The following CCDC88C variants were observed in gnomAD, a reference collection of about 807,000 sequenced individuals.
CCDC88C encodes the protein protein Daple.
A neutral mutation model predicts 198.8 loss-of-function variants in CCDC88C; 131 were observed. The observed-to-expected ratio is 0.66, with a 90% CI of 0.57 to 0.76. The LOEUF is 0.76. Among genes scored for constraint, CCDC88C ranks in the 30% least tolerant of loss-of-function variants. The pLI is 0.00. For synonymous variants in CCDC88C, 1,166 were observed against 1,114.7 expected (o/e 1.05, Z -0.92); for missense variants, 2,553 against 2,631.6 (o/e 0.97, Z 0.65).
At chr14:91,341,381 T>TG (rs1276858284) in intron 6 of CCDC88C, among the ~76,000 whole-genome samples, 5 of 152,162 alleles carry the variant, frequency 3.3e-5, no homozygotes, top group African/African-American at 1.2e-4. Context: ...CCCCTGAGTC[T>TG]GACTCAGTGG....
rs1361944843 is a variant in CCDC88C at position 91,322,909 on chromosome 14, T to TC, written c.1343-1606_1343-1605insG. 5.4e-4 allele frequency among the ~76,000 whole-genome samples: 80 copies of TC among 147,928 alleles called. 1 individual carries two copies. Among genetic ancestry groups the TC allele is most frequent in the African/African-American group, 2.0e-3 (80 of 40,374 alleles). ...ACTAAAACGCCAGTGTTTCTCTTTT[T>TC]TTTTTTTTTTTTTTGAGACAGAATC... On this transcript the variant is annotated intron_variant, in intron 12 of 29. Transcript: ENST00000389857.
intron 2 of CCDC88C, among the ~76,000 whole-genome samples, chr14:91,412,778 T>C (rs1890902088): frequency 6.6e-6 from 1 of 152,182 alleles, no homozygotes; most frequent in Admixed American, 6.5e-5. Flanking sequence ...ATGTGTCATA[T>C]ACTGCAGCCA....
Position 91,336,584 on chromosome 14 carries a change from G to A in CCDC88C, c.1050+1421C>T, listed in dbSNP as rs550260898. 3.3e-5 allele frequency among the ~76,000 whole-genome samples: 5 copies of A among 152,178 alleles called. 1 individual carries two copies. The highest frequency in any genetic ancestry group is 1.2e-4 in the African/African-American group (5 of 41,506). On this transcript the variant is annotated intron_variant, in intron 10 of 29. Coordinates refer to ENST00000389857, the MANE Select transcript of CCDC88C (RefSeq NM_001080414.4). ...TGGAACCCATCTGTGCCAGAGATTC[G>A]TGCCTCTCATAACCCAGAGAGCCAG... is the stretch of plus-strand genomic sequence containing the variant.
intron 3 of CCDC88C, among the ~76,000 whole-genome samples, chr14:91,402,807 GTTTTAT>G (rs1301988721): frequency 6.6e-6 from 1 of 152,168 alleles, no homozygotes; most frequent in Non-Finnish European, 1.5e-5. Context: ...CACTTGTACT[GTTTTAT>G]TTTTAATTCT....
At chr14:91,337,935 G>T (rs552924387) in intron 10 of CCDC88C, 70 bp downstream of exon 10, 12 of 1,575,928 alleles carry the variant, frequency 7.6e-6, no homozygotes, top group Middle Eastern at 1.9e-4. Context: ...CCAAGGACAG[G>T]TCAGTCTGAA....
At chr14:91,379,590 C>G (rs1034783499) in intron 3 of CCDC88C, 6 of 563,546 alleles carry the variant, frequency 1.1e-5, no homozygotes, top group Non-Finnish European at 1.9e-5. Context: ...GGGGATCACA[C>G]GAGCAGAAGT....
rs1889734928 is a variant in CCDC88C at position 91,271,543 on chromosome 14, A to AAATT, written c.*1078_*1081dup. ...AAAAGCACCTTTACAACAGGAAACT[A>AAATT]AATTGTCAGGAATCTGACCAAAGAC... is the stretch of plus-strand genomic sequence containing the variant. On this transcript the variant is annotated 3_prime_UTR_variant, in exon 30 of 30. Transcript: ENST00000389857. 6.6e-6 allele frequency: 1 copy of AAATT among 152,220 alleles called. No homozygotes were observed. Among genetic ancestry groups the AAATT allele is most frequent in the African/African-American group, 2.4e-5 (1 of 41,450 alleles). The allele number at this position is 152,220 out of a possible 1,614,324, so 9.4% of individuals were successfully genotyped here.
chr14:91,312,720 T>C (rs916315394), intron 15 of CCDC88C, among the ~76,000 whole-genome samples: 1 of 152,106 alleles, frequency 6.6e-6, no homozygotes, highest in African/African-American at 2.4e-5. Context: ...AACAAACAAA[T>C]ATCTTACGGC....
At chr14:91,386,001 G>T (rs1259945027) in intron 3 of CCDC88C, among the ~76,000 whole-genome samples, 1 of 152,064 alleles carries the variant, frequency 6.6e-6, no homozygotes, top group Non-Finnish European at 1.5e-5. Flanking sequence ...ACACTCACTA[G>T]CCATGTGTGA....
chr14:91,400,432 C>T (rs1290369723), intron 3 of CCDC88C, among the ~76,000 whole-genome samples: 1 of 152,248 alleles, frequency 6.6e-6, no homozygotes, highest in East Asian at 1.9e-4. Context: ...CACATGGAAG[C>T]TGACTGTGAC....
intron 10 of CCDC88C, among the ~76,000 whole-genome samples, chr14:91,331,108 G>T: frequency 6.6e-6 from 1 of 151,618 alleles, no homozygotes; most frequent in East Asian, 1.9e-4. Context: ...GGTAAGTGGG[G>T]CGGGGGTGGG....
chr14:91,413,216 C>T (rs7150177), intron 2 of CCDC88C, among the ~76,000 whole-genome samples: 14,046 of 152,208 alleles, frequency 0.092, 819 homozygotes, highest in Middle Eastern at 0.2. Flanking sequence ...GGTACACGTA[C>T]GTATGTCCAC....
At chr14:91,337,415 T>C (rs906484674) in intron 10 of CCDC88C, among the ~76,000 whole-genome samples, 2 of 152,210 alleles carry the variant, frequency 1.3e-5, no homozygotes, top group African/African-American at 4.8e-5. Flanking sequence ...GCTCAATGCA[T>C]TGCAGCCTTG....
intron 3 of CCDC88C, among the ~76,000 whole-genome samples, chr14:91,397,721 G>A (rs1885935849): frequency 6.6e-6 from 1 of 152,172 alleles, no homozygotes; most frequent in Non-Finnish European, 1.5e-5. Flanking sequence ...CTTCCTCTGG[G>A]CTCCAGGCTG....
At position 91,288,539 on chromosome 14, in the gene CCDC88C, C is replaced by T. The variant is rs1228030853; in HGVS notation, c.4441+566G>A. On this transcript the variant is annotated intron_variant, in intron 25 of 29. Transcript: ENST00000389857. The surrounding 1 kb of genome is among the most constrained non-coding windows in gnomAD (Gnocchi z 4.2). ...GCTATGTCGCTTGTCTCTATGGTACCTGCACGAATGTCAGCTTTGGATATT... is the reference window on the plus strand; with the variant it reads ...GCTATGTCGCTTGTCTCTATGGTACTTGCACGAATGTCAGCTTTGGATATT... Among the ~76,000 whole-genome samples the T allele has an allele frequency of 2.6e-5, 4 of 152,192 alleles. No individual in the cohort carries two copies.
At chr14:91,307,318 C>T in intron 17 of CCDC88C, 92 bp from the exon 18 acceptor site, 4 of 1,080,556 alleles carry the variant, frequency 3.7e-6, no homozygotes, top group Non-Finnish European at 4.2e-6. Context: ...TGCACCACAC[C>T]CTCCACACTC....
At chr14:91,407,141 T>C (rs1886538220) in intron 3 of CCDC88C, among the ~76,000 whole-genome samples, 1 of 152,018 alleles carries the variant, frequency 6.6e-6, no homozygotes, top group African/African-American at 2.4e-5. Flanking sequence ...CCCAGGCCAT[T>C]GTCCACTCCC....
intron 3 of CCDC88C, among the ~76,000 whole-genome samples, chr14:91,401,751 C>T (rs1886218028): frequency 1.3e-5 from 2 of 152,242 alleles, no homozygotes; most frequent in South Asian, 4.1e-4. Context: ...AGTGGAGAAA[C>T]TAATGTCTCC....
Position 91,416,681 on chromosome 14 carries a change from ACT to A in CCDC88C, c.161+55_161+56del. On this transcript the variant is annotated intron_variant, in intron 2 of 29. Coordinates refer to ENST00000389857, the MANE Select transcript of CCDC88C (RefSeq NM_001080414.4). ...CCATGCAACCTTCCACTCCATTTCT[ACT>A]CTCAAACTTTCTAACGCACCATTCT... The A allele has an allele frequency of 2.3e-6, 3 of 1,307,842 alleles. No homozygotes were observed. The South Asian group carries it at 3.7e-5, about 16-fold the overall frequency. The allele number at this position is 1,307,842 out of a possible 1,614,324, so 81.0% of individuals were successfully genotyped here.
Sources: gnomAD v4.1 joint callset for allele counts (sites outside exome capture counted in the v4.1 genomes callset) on GRCh38, gnomAD v4.1.1 for gene constraint, Gnocchi (gnomAD v3.1) non-coding constraint, MANE v1.5 for transcripts, NCBI Gene and HGNC (gene_info 2026-07-23, HGNC 2026-07-21) for gene names.